The following KCNC2 variants were observed in gnomAD, a reference collection of about 807,000 sequenced individuals.
The protein encoded by KCNC2 is potassium voltage-gated channel subfamily C member 2.
KCNC2 carries 21 observed loss-of-function variants against 44.5 expected under a neutral mutation model. The observed-to-expected ratio is 0.47, with a 90% CI of 0.33 to 0.68. The LOEUF is 0.68. Among genes scored for constraint, KCNC2 ranks in the 30% least tolerant of loss-of-function variants. The probability of loss-of-function intolerance (pLI) is 0.01; values close to 1 mark genes in which losing one functional copy is unlikely to be tolerated. For missense variants in KCNC2, 589 were observed against 826.2 expected (o/e 0.71, Z 3.52); for synonymous variants, 391 against 339.1 (o/e 1.15, Z -1.68).
chr12:75,087,023 G>C (rs1423068997), intron 2 of KCNC2, among the ~76,000 whole-genome samples: 1 of 152,014 alleles, frequency 6.6e-6, no homozygotes, highest in East Asian at 1.9e-4. Flanking sequence ...TACTGAGGAT[G>C]CAAAATTGAA....
chr12:75,190,722 T>C (rs949687427), intron 2 of KCNC2, among the ~76,000 whole-genome samples: 2 of 152,134 alleles, frequency 1.3e-5, no homozygotes, highest in African/African-American at 2.4e-5. Flanking sequence ...GGAAAATATA[T>C]AGCATATTAC....
At chr12:75,071,526 T>A (rs1203868893) in intron 2 of KCNC2, among the ~76,000 whole-genome samples, 4 of 152,186 alleles carry the variant, frequency 2.6e-5, no homozygotes, top group Non-Finnish European at 5.9e-5. Flanking sequence ...TCAACGAATT[T>A]GAGAATAATA....
At chr12:75,139,511 T>G (rs1889488231) in intron 2 of KCNC2, among the ~76,000 whole-genome samples, 1 of 152,226 alleles carries the variant, frequency 6.6e-6, no homozygotes. Flanking sequence ...AATTTTCTTA[T>G]GTGAACAAGA....
chr12:75,207,972 G>A lies in KCNC2; in HGVS notation c.12C>T (p.Ile4=). 6.2e-7 allele frequency: 1 copy of A among 1,612,336 alleles called. No homozygotes were observed. The highest frequency in any genetic ancestry group is 8.5e-7 in the Non-Finnish European group (1 of 1,179,788). The change falls in exon 2 of 5, where the codon ATC becomes ATT. Residue 4 remains isoleucine (I), a synonymous_variant. Coordinates refer to ENST00000549446, the MANE Select transcript of KCNC2 (RefSeq NM_139137.4). The surrounding 1 kb of genome is among the most constrained non-coding windows in gnomAD (Gnocchi z 4.1). MGK[I]ENNERVILNV... The stretch of plus-strand genomic sequence containing the variant: ...TGAGGATCACCCTCTCGTTGTTCTC[G>A]ATCTTGCCCATCTCTGTGACTCAGA...
At chr12:75,124,799 A>C (rs1479389131) in intron 2 of KCNC2, 3 of 152,032 alleles carry the variant, frequency 2.0e-5, no homozygotes, top group Non-Finnish European at 4.4e-5. Context: ...CATTGTGTGG[A>C]GTATACCTTA....
chr12:75,114,325 G>T (rs908250197), intron 2 of KCNC2, among the ~76,000 whole-genome samples: 15 of 152,146 alleles, frequency 9.9e-5, no homozygotes, highest in African/African-American at 3.6e-4. Flanking sequence ...CCTTCATTTT[G>T]TACCCTATAG....
chr12:75,104,746 G>A (rs1250699960), intron 2 of KCNC2, among the ~76,000 whole-genome samples: 1 of 152,054 alleles, frequency 6.6e-6, no homozygotes, highest in Non-Finnish European at 1.5e-5. Flanking sequence ...ATACGCATAT[G>A]GAAACTGACA....
intron 2 of KCNC2, among the ~76,000 whole-genome samples, chr12:75,113,591 C>T (rs1887418951): frequency 6.6e-6 from 1 of 152,178 alleles, no homozygotes; most frequent in Non-Finnish European, 1.5e-5. Context: ...AATCCAGCCT[C>T]CATACCAACA....
intron 2 of KCNC2, among the ~76,000 whole-genome samples, chr12:75,171,332 G>A (rs1039328331): frequency 1.3e-5 from 2 of 151,734 alleles, no homozygotes; most frequent in Non-Finnish European, 2.9e-5. Context: ...TATATCAGCT[G>A]AGTACAGTAG....
chr12:75,053,399 G>A (rs4882610), intron 2 of KCNC2, among the ~76,000 whole-genome samples: 128,725 of 152,050 alleles, frequency 0.85, 54,919 homozygotes, highest in Admixed American at 0.9. Flanking sequence ...GTGCGTGTGT[G>A]TTTGTGTGTA....
rs762072220 is a variant in KCNC2, at chr12:75,041,440, A to G, written c.*1665T>C. On this transcript the variant is annotated 3_prime_UTR_variant, in exon 5 of 5. Transcript: ENST00000549446. ...TTCGTGGCCAATAATAAAAGTGACA[A>G]TTGTCTTCCTAACAAAAAATAAACA... The G allele has an allele frequency of 7.8e-6, 10 of 1,284,642 alleles. No homozygotes were observed. The highest frequency in any genetic ancestry group is 4.0e-5 in the South Asian group (2 of 50,450). The allele number at this position is 1,284,642 out of a possible 1,614,324, so 79.6% of individuals were successfully genotyped here. A position where few individuals can be genotyped will look rare whatever the true frequency, so the allele number is the denominator to read the frequency against.
intron 2 of KCNC2, among the ~76,000 whole-genome samples, chr12:75,101,617 C>T (rs909595685): frequency 9.2e-5 from 14 of 151,976 alleles, no homozygotes; most frequent in African/African-American, 9.7e-5. Context: ...TAAGAGCTAA[C>T]GAGTGTAAAT....
chr12:75,133,226 T>C (rs1888979766), intron 2 of KCNC2, among the ~76,000 whole-genome samples: 2 of 151,954 alleles, frequency 1.3e-5, no homozygotes, highest in Non-Finnish European at 2.9e-5. Context: ...GATAGCACAA[T>C]GGGAAGACTA....
Position 75,207,341 on chromosome 12 carries a change from T to G in KCNC2, c.643A>C (p.Met215Leu). The G allele has an allele frequency of 1.3e-6, 2 of 1,572,276 alleles. No individual in the cohort carries two copies. The highest frequency in any genetic ancestry group is 1.9e-5 in the Admixed American group (1 of 52,606). Residue 215 changes from methionine to leucine, a missense_variant, in exon 2 of 5, where the codon ATG becomes CTG. Transcript: ENST00000549446. The surrounding 1 kb of genome is among the most constrained non-coding windows in gnomAD (Gnocchi z 4.1). ...TAGGGGTCTTCGAAGAGGGCCCACA[T>G]GCGGGGCTGCAGCCTCCTCCAGCGG... ...SGRWRRLQPRMWALFEDPYSS... is the reference protein window; with the variant it reads ...SGRWRRLQPRLWALFEDPYSS...
intron 2 of KCNC2, among the ~76,000 whole-genome samples, chr12:75,058,286 G>T (rs1232778361): frequency 6.6e-6 from 1 of 151,438 alleles, no homozygotes; most frequent in Non-Finnish European, 1.5e-5. Context: ...AACCAGAATT[G>T]TAATTTCAAA....
At chr12:75,137,637 T>C (rs544782980) in intron 2 of KCNC2, among the ~76,000 whole-genome samples, 1 of 152,362 alleles carries the variant, frequency 6.6e-6, no homozygotes, top group South Asian at 2.1e-4. Flanking sequence ...TATATCTTAA[T>C]GCCAAAACCT....
chr12:75,159,869 A>G (rs1048633722), intron 2 of KCNC2, among the ~76,000 whole-genome samples: 4 of 151,892 alleles, frequency 2.6e-5, no homozygotes, highest in Admixed American at 2.6e-4. Flanking sequence ...CACTGCAACT[A>G]TACTATGAGT....
chr12:75,140,532 C>T (rs1889571581), intron 2 of KCNC2, among the ~76,000 whole-genome samples: 1 of 152,088 alleles, frequency 6.6e-6, no homozygotes, highest in Non-Finnish European at 1.5e-5. Flanking sequence ...GAACATTGAT[C>T]TTGTTTGCTA....
intron 2 of KCNC2, among the ~76,000 whole-genome samples, chr12:75,061,738 A>G (rs1030329639): frequency 6.6e-6 from 1 of 152,080 alleles, no homozygotes; most frequent in African/African-American, 2.4e-5. Flanking sequence ...CTGAATGCTA[A>G]TCCTAAAACT....
Sources: gnomAD v4.1 joint callset for allele counts (sites outside exome capture counted in the v4.1 genomes callset) on GRCh38, gnomAD v4.1.1 for gene constraint, Gnocchi (gnomAD v3.1) non-coding constraint, MANE v1.5 for transcripts, NCBI Gene and HGNC (gene_info 2026-07-23, HGNC 2026-07-21) for gene names.